Variants in PARP14 observed in about 807,000 individuals in gnomAD.
The protein encoded by PARP14 is poly(ADP-ribose) polymerase family member 14, also known as protein mono-ADP-ribosyltransferase PARP14.
PARP14 carries 59 observed loss-of-function variants against 154.2 expected under a neutral mutation model. The observed-to-expected ratio is 0.38, with a 90% CI of 0.31 to 0.48. The LOEUF is 0.48. Among genes scored for constraint, PARP14 ranks in the 20% least tolerant of loss-of-function variants. PARP14 has a pLI of 0.98. For synonymous variants in PARP14, 720 were observed against 780.5 expected, an observed-to-expected ratio of 0.92 and a Z score of 1.29; for missense variants, 1,734 against 2,131.6, an observed-to-expected ratio of 0.81 and a Z score of 3.67.
chr3:122,685,047 T>C lies in PARP14; in HGVS notation c.188-138T>C, dbSNP rs1938325595. On this transcript the variant is annotated intron_variant, in intron 1 of 16. Coordinates refer to ENST00000474629, the MANE Select transcript of PARP14 (RefSeq NM_017554.3). ...GTTTGCTTGCTAAACTTTTCCTCTT[T>C]TACTTCACATATAGCCTCTCTTGAG... 4 of 821,058 alleles carry C rather than the reference T, an allele frequency of 4.9e-6. No homozygotes were observed. In the South Asian group the frequency reaches 7.8e-5, roughly 16 times the overall value. The allele number at this position is 821,058 out of a possible 1,614,324, so 50.9% of individuals were successfully genotyped here.
At chr3:122,693,723 C>T (rs942469514) in intron 4 of PARP14, among the ~76,000 whole-genome samples, 1 of 151,926 alleles carries the variant, frequency 6.6e-6, no homozygotes, top group South Asian at 2.1e-4. Context: ...CACCCGTCCT[C>T]CCAGCTACTC....
chr3:122,720,144 GA>G, intron 14 of PARP14, 110 bp from the exon 15 acceptor site: 1 of 1,056,744 alleles, frequency 9.5e-7, no homozygotes, highest in Non-Finnish European at 1.4e-6. Flanking sequence ...GAAAGATAAG[GA>G]ACTCTTTGAA....
At chr3:122,702,873 C>G (rs1031124577) in intron 6 of PARP14, among the ~76,000 whole-genome samples, 15 of 151,794 alleles carry the variant, frequency 9.9e-5, no homozygotes, top group Non-Finnish European at 2.9e-5. Flanking sequence ...ACCTGTAGTC[C>G]TTACTACTCG....
intron 9 of PARP14, among the ~76,000 whole-genome samples, chr3:122,712,658 A>T (rs35422324): frequency 0.088 from 13,291 of 151,644 alleles, 678 homozygotes; most frequent in East Asian, 0.13. Flanking sequence ...GGCTCAGGTG[A>T]TCCTCCTACC....
chr3:122,729,315 G>A lies in PARP14; in HGVS notation c.*718G>A, dbSNP rs1338247032. ...CTGCAGTGTACTTGCGCTCTGCACG[G>A]TCCAGGAGCTGTGATGTGGCTGTGG... On this transcript the variant is annotated 3_prime_UTR_variant, in exon 17 of 17. Coordinates refer to ENST00000474629, the MANE Select transcript of PARP14 (RefSeq NM_017554.3). The A allele has an allele frequency of 6.6e-6, 1 of 152,618 alleles. No homozygotes were observed. Among genetic ancestry groups the A allele is most frequent in the Non-Finnish European group, 1.5e-5 (1 of 68,444 alleles). The allele number at this position is 152,618 out of a possible 1,614,324, so 9.5% of individuals were successfully genotyped here.
At position 122,729,425 on chromosome 3, in the gene PARP14, AAAATGTGCCTTT is replaced by A. The variant is rs1933365935; in HGVS notation, c.*829_*840del. The A allele has an allele frequency of 6.8e-6, 1 of 146,714 alleles. No homozygotes were observed. Among genetic ancestry groups the A allele is most frequent in the Admixed American group, 7.4e-5 (1 of 13,586 alleles). The allele number at this position is 146,714 out of a possible 1,614,324, so 9.1% of individuals were successfully genotyped here. A position where few individuals can be genotyped will look rare whatever the true frequency, so the allele number is the denominator to read the frequency against. On this transcript the variant is annotated 3_prime_UTR_variant, in exon 17 of 17. Coordinates refer to ENST00000474629, the MANE Select transcript of PARP14 (RefSeq NM_017554.3). ...AGAAGGCTCTTTTTAATGCTGAACC[AAAATGTGCCTTT>A]TTTTTTTTTTTTTTGAGATGGAGTT...
chr3:122,702,485 G>C (rs1040389429), intron 6 of PARP14, among the ~76,000 whole-genome samples: 1 of 152,218 alleles, frequency 6.6e-6, no homozygotes, highest in East Asian at 1.9e-4. Context: ...CTCCCAAAGT[G>C]CTGGGATTAG....
At position 122,718,422 on chromosome 3, in the gene PARP14, C is replaced by T. The variant is rs1933058370; in HGVS notation, c.4271C>T (p.Thr1424Ile). 2 of 1,613,424 alleles carry T rather than the reference C, an allele frequency of 1.2e-6. No homozygotes were observed. ...AATCATTTGGTTTTGGAAAAGAAAA[C>T]AGAATCAGCAACTTTTCGGGTGTGT... ...KKNHLVLEKK[T>I]ESATFRVCGE... The change falls in exon 14 of 17, where the codon ACA (threonine) becomes ATA (isoleucine). Residue 1424 changes from threonine to isoleucine, a missense_variant. Thr to Ile is a moderately conservative substitution (Grantham distance 89). Coordinates refer to ENST00000474629, the MANE Select transcript of PARP14 (RefSeq NM_017554.3).
rs779258518 is a variant in PARP14 at position 122,692,542 on chromosome 3, A to G, written c.597A>G (p.Ile199Met). 1.9e-6 allele frequency: 3 copies of G among 1,604,386 alleles called. No homozygotes were observed. Among genetic ancestry groups the G allele is most frequent in the Non-Finnish European group, 1.7e-6 (2 of 1,172,396 alleles). The change falls in exon 4 of 17, where the codon ATA (isoleucine) becomes ATG (methionine). Residue 199 changes from isoleucine to methionine, a missense_variant and splice_region_variant. Physicochemically the swap from Ile to Met is conservative, Grantham distance 10. Around this residue, in one of 2 missense-constraint regions of PARP14, gnomAD observed 1,646 missense variants for 1,976.0 expected, o/e 0.83. Transcript: ENST00000474629. ...DVAVVTFQKHIDTIRFVDDCT... is the reference protein window; with the variant it reads ...DVAVVTFQKHMDTIRFVDDCT... ...CTGTTGTTACCTTTCAAAAGCACAT[A>G]GGTAAGATGAAGTGACACTTCCTCT...
chr3:122,718,068 C>T lies in PARP14; in HGVS notation c.4001-3C>T, dbSNP rs1933043040. 3 of 1,612,578 alleles carry T rather than the reference C, an allele frequency of 1.9e-6. No homozygotes were observed. In the African/African-American group the frequency reaches 4.0e-5, roughly 22 times the overall value. ...TCAGCAATTTTATTATTTGCTTTTCCAGGAAATGCCAAACAACACCCAGAT... is the reference window on the plus strand; with the variant it reads ...TCAGCAATTTTATTATTTGCTTTTCTAGGAAATGCCAAACAACACCCAGAT... On this transcript the variant is annotated splice_region_variant and splice_polypyrimidine_tract_variant and intron_variant, in intron 12 of 16. Coordinates refer to ENST00000474629, the MANE Select transcript of PARP14 (RefSeq NM_017554.3).
chr3:122,689,711 C>T (rs954634285), intron 3 of PARP14, among the ~76,000 whole-genome samples: 7 of 152,236 alleles, frequency 4.6e-5, no homozygotes, highest in Non-Finnish European at 8.8e-5. Flanking sequence ...CCTGCTCTGT[C>T]TGTGTCTGCC....
chr3:122,715,154 T>C (rs1032002992), intron 12 of PARP14, among the ~76,000 whole-genome samples: 1 of 152,220 alleles, frequency 6.6e-6, no homozygotes, highest in Admixed American at 6.5e-5. Flanking sequence ...TGCAGTTTTG[T>C]TGCACAGGTG....
chr3:122,710,331 T>C (rs1327711757), intron 9 of PARP14, among the ~76,000 whole-genome samples: 2 of 152,210 alleles, frequency 1.3e-5, no homozygotes, highest in East Asian at 3.8e-4. Flanking sequence ...CCCCAATTTA[T>C]GTTTTTGTAT....
chr3:122,686,727 A>T (rs980815818), intron 2 of PARP14: 1 of 193,760 alleles, frequency 5.2e-6, no homozygotes, highest in African/African-American at 2.4e-5. Flanking sequence ...CTGGCCTCCC[A>T]AAATGCTGAA....
At chr3:122,722,070 C>T (rs1933178028) in intron 15 of PARP14, 2 of 152,128 alleles carry the variant, frequency 1.3e-5, no homozygotes, top group Non-Finnish European at 2.9e-5. Flanking sequence ...GTCCGTAAAT[C>T]AAAAAGCAAA....
chr3:122,725,387 C>T (rs963558973), intron 15 of PARP14, among the ~76,000 whole-genome samples: 5 of 148,198 alleles, frequency 3.4e-5, no homozygotes, highest in Non-Finnish European at 4.5e-5. Flanking sequence ...AGCGGCCGGG[C>T]AAAGGTGCTC....
In PARP14 at chr3:122,681,064, G is replaced by C. The variant is rs1326713337; in HGVS notation, c.181G>C (p.Glu61Gln). ...CCGCTTCCTGGTGTTCTTCTACCCGGAGGACGGTGAGGGGCGCGAGGGGTG... is the reference window on the plus strand; with the variant it reads ...CCGCTTCCTGGTGTTCTTCTACCCGCAGGACGGTGAGGGGCGCGAGGGGTG... ...PSRFLVFFYP[E>Q]DVRQKVLERK... is the part of the protein sequence containing the mutation. Residue 61 changes from glutamate (E) to glutamine (Q), a missense_variant, in exon 1 of 17, where the codon GAG becomes CAG. By Grantham distance (29) the Glu-to-Gln change is conservative. Transcript: ENST00000474629. This position sits in a 1 kb window ranked among gnomAD's most constrained non-coding sequence, Gnocchi z 5.5. 6.2e-7 allele frequency: 1 copy of C among 1,612,484 alleles called. No individual in the cohort carries two copies. The highest frequency in any genetic ancestry group is 1.7e-5 in the Admixed American group (1 of 60,006).
chr3:122,704,110 C>T (rs754396017), intron 7 of PARP14, 132 bp downstream of exon 7: 2 of 652,886 alleles, frequency 3.1e-6, no homozygotes, highest in Non-Finnish European at 5.4e-6. Context: ...TGGCAGATTC[C>T]ATCATGTGGC....
At chr3:122,686,372 C>T (rs1938373144) in intron 2 of PARP14, among the ~76,000 whole-genome samples, 1 of 152,062 alleles carries the variant, frequency 6.6e-6, no homozygotes, top group Admixed American at 6.5e-5. Flanking sequence ...CTAGGCTGCT[C>T]TTGAACTGCT....
Sources: allele counts gnomAD v4.1 joint callset (sites outside exome capture counted in the v4.1 genomes callset), GRCh38; gene constraint gnomAD v4.1.1; regional missense constraint gnomAD v4.1.1; non-coding constraint Gnocchi (gnomAD v3.1); transcripts MANE v1.5; gene names NCBI Gene and HGNC (gene_info 2026-07-23, HGNC 2026-07-21).